COL25A1: variants seen among roughly 807,000 people sequenced by gnomAD.
The protein encoded by COL25A1 is collagen alpha-1(XXV) chain.
In COL25A1, 103 loss-of-function variants were observed where a neutral mutation model predicts 128.4. That is an observed-to-expected ratio of 0.80 (90% confidence interval 0.68 to 0.94). The LOEUF is 0.94. Ranked by LOEUF, COL25A1 falls within the 40% of genes least tolerant of loss-of-function variation. COL25A1 has a pLI of 0.00. For missense variants in COL25A1, 745 were observed against 840.0 expected (o/e 0.89, Z 1.40); for synonymous variants, 279 against 277.2 (o/e 1.01, Z -0.06).
chr4:109,115,899 T>G (rs992861331), intron 3 of COL25A1, among the ~76,000 whole-genome samples: 2 of 152,046 alleles, frequency 1.3e-5, no homozygotes, highest in African/African-American at 4.8e-5. Flanking sequence ...ACCTACCATG[T>G]ATCCTAGAGG....
chr4:108,929,536 CATAT>C (rs1405057335), intron 11 of COL25A1, among the ~76,000 whole-genome samples: 1 of 150,990 alleles, frequency 6.6e-6, no homozygotes, highest in African/African-American at 2.4e-5. Context: ...ATCTATAAGA[CATAT>C]ATAAATATAA....
intron 3 of COL25A1, among the ~76,000 whole-genome samples, chr4:109,087,726 A>T (rs1440033148): frequency 2.6e-5 from 4 of 152,182 alleles, no homozygotes; most frequent in Admixed American, 6.5e-5. Context: ...ACATTCAAAT[A>T]CTTACATTAG....
In COL25A1 at chr4:108,866,025, C is replaced by T. The variant is rs562716349; in HGVS notation, c.1084-2638G>A. ...CTTCTTTCCCTCCTTCCATCTCTTC[C>T]TTGTCCACACTACAATGTAAGCTTC... On this transcript the variant is annotated intron_variant, in intron 20 of 37. Transcript: ENST00000399132. Among the ~76,000 whole-genome samples the T allele has an allele frequency of 6.3e-4, 96 of 152,306 alleles. 2 individuals are homozygous for T. In the Middle Eastern group the frequency reaches 0.01, roughly 16 times the overall value.
chr4:108,822,965 G>A (rs1253820472), intron 35 of COL25A1, among the ~76,000 whole-genome samples: 7 of 152,156 alleles, frequency 4.6e-5, no homozygotes, highest in Non-Finnish European at 1.0e-4. Flanking sequence ...TAAATGTGAT[G>A]ATACTGGTGA....
intron 3 of COL25A1, among the ~76,000 whole-genome samples, chr4:109,218,749 TA>T (rs1778227234): frequency 6.6e-6 from 1 of 152,130 alleles, no homozygotes; most frequent in African/African-American, 2.4e-5. Flanking sequence ...TGTCCCTGAA[TA>T]TGTAAGCCCT....
At chr4:109,188,082 G>A (rs899611743) in intron 3 of COL25A1, among the ~76,000 whole-genome samples, 3 of 151,976 alleles carry the variant, frequency 2.0e-5, no homozygotes, top group South Asian at 4.1e-4. Flanking sequence ...GAAACTAATC[G>A]AAAAACACAA....
At chr4:108,885,217 A>T (rs1356607087) in intron 18 of COL25A1, among the ~76,000 whole-genome samples, 10 of 152,206 alleles carry the variant, frequency 6.6e-5, no homozygotes. Context: ...TAAATGCTTT[A>T]ACAATCCTGG....
intron 3 of COL25A1, among the ~76,000 whole-genome samples, chr4:109,273,395 A>C (rs1782331319): frequency 6.6e-6 from 1 of 152,188 alleles, no homozygotes; most frequent in South Asian, 2.1e-4. Context: ...TGCCATGCAG[A>C]GTCTTATACA....
intron 6 of COL25A1, among the ~76,000 whole-genome samples, chr4:108,977,336 A>G (rs1400144476): frequency 6.6e-6 from 1 of 152,256 alleles, no homozygotes; most frequent in Non-Finnish European, 1.5e-5. Context: ...AAGAGGAAAG[A>G]GAAAATATTA....
intron 3 of COL25A1, among the ~76,000 whole-genome samples, chr4:109,088,364 C>A (rs936319247): frequency 6.6e-6 from 1 of 152,138 alleles, no homozygotes; most frequent in Admixed American, 6.5e-5. Context: ...GAGGCTAAAT[C>A]AGTGGTTCTG....
At chr4:109,168,017 T>G (rs1257716973) in intron 3 of COL25A1, among the ~76,000 whole-genome samples, 1 of 152,118 alleles carries the variant, frequency 6.6e-6, no homozygotes, top group Admixed American at 6.6e-5. Flanking sequence ...ACAGTAATAG[T>G]TGGTTTTTTA....
rs893843968 is a variant in COL25A1 at position 109,089,613 on chromosome 4, A to AT, written c.368-39435dup. Reference sequence around the variant, plus strand: ...TCACTTGAGTATATTTTTTAAAAATATTTTTTTTTTGAGACAAGATCTTGC... The same window carrying AT: ...TCACTTGAGTATATTTTTTAAAAATATTTTTTTTTTTGAGACAAGATCTTGC... On this transcript the variant is annotated intron_variant, in intron 3 of 37. Coordinates refer to ENST00000399132, the MANE Select transcript of COL25A1 (RefSeq NM_198721.4). Among the ~76,000 whole-genome samples, 91 of 150,316 alleles carry AT rather than the reference A, an allele frequency of 6.1e-4. 3 individuals carry two copies. Among genetic ancestry groups the AT allele is most frequent in the South Asian group, 2.3e-3 (11 of 4,740 alleles).
chr4:108,974,322 G>A (rs1004387380), intron 8 of COL25A1, 45 bp downstream of exon 8: 9 of 1,603,638 alleles, frequency 5.6e-6, no homozygotes, highest in Non-Finnish European at 7.7e-6. Flanking sequence ...TAAACTTGGA[G>A]TTAGAAACTA....
intron 3 of COL25A1, among the ~76,000 whole-genome samples, chr4:109,298,226 A>ATC (rs1323100863): frequency 1.3e-5 from 2 of 152,088 alleles, no homozygotes; most frequent in African/African-American, 2.4e-5. Flanking sequence ...TGTCCTTTTC[A>ATC]TCTCTCTCTC....
chr4:108,994,514 G>T (rs571455183), intron 6 of COL25A1, among the ~76,000 whole-genome samples: 5 of 152,334 alleles, frequency 3.3e-5, no homozygotes, highest in Admixed American at 1.3e-4. Flanking sequence ...TGCCTCTATA[G>T]ATTCTACCTC....
At chr4:109,121,512 A>C (rs556140406) in intron 3 of COL25A1, among the ~76,000 whole-genome samples, 1 of 152,236 alleles carries the variant, frequency 6.6e-6, no homozygotes, top group East Asian at 1.9e-4. Flanking sequence ...ATGACAACTA[A>C]ACATATGAAA....
intron 3 of COL25A1, among the ~76,000 whole-genome samples, chr4:109,260,547 G>C (rs1171096744): frequency 6.6e-6 from 1 of 152,076 alleles, no homozygotes; most frequent in Non-Finnish European, 1.5e-5. Context: ...CCAGGCTGGA[G>C]TGCAGTGGCA....
intron 3 of COL25A1, among the ~76,000 whole-genome samples, chr4:109,151,151 G>A (rs1771463434): frequency 6.6e-6 from 1 of 152,018 alleles, no homozygotes; most frequent in South Asian, 2.1e-4. Flanking sequence ...TATATAAAAT[G>A]CACCTAAATT....
chr4:109,298,008 T>C (rs1421767587), intron 3 of COL25A1, among the ~76,000 whole-genome samples: 1 of 151,872 alleles, frequency 6.6e-6, no homozygotes, highest in African/African-American at 2.4e-5. Context: ...CCTATACTTA[T>C]TCTCTATTCC....
Sources: gnomAD v4.1 joint callset for allele counts (sites outside exome capture counted in the v4.1 genomes callset) on GRCh38, gnomAD v4.1.1 for gene constraint, MANE v1.5 for transcripts, NCBI Gene and HGNC (gene_info 2026-07-23, HGNC 2026-07-21) for gene names.